The following MACROD2 variants were observed in gnomAD, a reference collection of about 807,000 sequenced individuals.
MACROD2 encodes mono-ADP ribosylhydrolase 2, also known as ADP-ribose glycohydrolase MACROD2.
A neutral mutation model predicts 70.4 loss-of-function variants in MACROD2; 36 were observed. The ratio of observed to expected loss-of-function variants is 0.51; its 90% CI spans 0.39 to 0.68. The LOEUF (loss-of-function observed/expected upper bound fraction) is 0.68, where lower values mean the gene tolerates loss of function less well. MACROD2 is among the 30% of genes least tolerant of loss of function. MACROD2 has a pLI of 0.00. For missense variants in MACROD2, 496 were observed against 538.4 expected (o/e 0.92, Z 0.78); for synonymous variants, 172 against 178.8 (o/e 0.96, Z 0.30).
At chr20:15,976,456 G>A (rs2066307465) in intron 13 of MACROD2, among the ~76,000 whole-genome samples, 1 of 152,226 alleles carries the variant, frequency 6.6e-6, no homozygotes, top group Non-Finnish European at 1.5e-5. Context: ...GCAGAGGACA[G>A]TGGGGAGAAT....
At chr20:14,176,384 G>A (rs770077926) in intron 3 of MACROD2, among the ~76,000 whole-genome samples, 3 of 152,190 alleles carry the variant, frequency 2.0e-5, no homozygotes, top group Non-Finnish European at 2.9e-5. Context: ...TGCAGTTAAG[G>A]TGGTGACCTC....
Position 14,932,003 on chromosome 20 carries a change from TAAA to T in MACROD2, c.418+247064_418+247066del, listed in dbSNP as rs11483683. ...AGCAACAGAGTGAGACCCTGTTTCTTAAAAAAAAAAAAAAAAAAAAAATCCACC... is the reference window on the plus strand; with the variant it reads ...AGCAACAGAGTGAGACCCTGTTTCTTAAAAAAAAAAAAAAAAAAATCCACC... On this transcript the variant is annotated intron_variant, in intron 5 of 17. Transcript: ENST00000684519. 3.2e-3 allele frequency among the ~76,000 whole-genome samples: 436 copies of T among 135,964 alleles called. 3 individuals carry two copies. The highest frequency in any genetic ancestry group is 0.011 in the African/African-American group (415 of 36,132). The allele number at this position is 135,964 out of a possible 152,430, so 89.2% of individuals were successfully genotyped here. A position where few individuals can be genotyped will look rare whatever the true frequency, so the allele number is the denominator to read the frequency against.
intron 5 of MACROD2, among the ~76,000 whole-genome samples, chr20:15,033,766 G>A (rs528362065): frequency 6.6e-6 from 1 of 150,900 alleles, no homozygotes; most frequent in Non-Finnish European, 1.5e-5. Context: ...GTCCATGTTA[G>A]AAAGAGAAAA....
chr20:14,896,720 G>A (rs904119335), intron 5 of MACROD2, among the ~76,000 whole-genome samples: 2 of 152,010 alleles, frequency 1.3e-5, no homozygotes, highest in African/African-American at 2.4e-5. Context: ...ATGGCATTTG[G>A]TGCTTCCTGT....
chr20:15,206,835 C>G (rs1247212041), intron 5 of MACROD2, among the ~76,000 whole-genome samples: 1 of 147,720 alleles, frequency 6.8e-6, no homozygotes, highest in Non-Finnish European at 1.5e-5. Flanking sequence ...CTCCCGGGTT[C>G]ACGCCATTCT....
chr20:14,756,704 A>G (rs934787459), intron 5 of MACROD2, among the ~76,000 whole-genome samples: 14 of 151,688 alleles, frequency 9.2e-5, no homozygotes, highest in African/African-American at 3.4e-4. Context: ...AAAAAAGACA[A>G]TGTTTAAATT....
intron 3 of MACROD2, among the ~76,000 whole-genome samples, chr20:14,216,633 A>G (rs142580064): frequency 1.1e-3 from 169 of 152,280 alleles, no homozygotes; most frequent in Non-Finnish European, 2.1e-3. Context: ...TCACCCATCC[A>G]TGAGCATGGG....
intron 8 of MACROD2, among the ~76,000 whole-genome samples, chr20:15,730,275 T>C (rs2050927937): frequency 6.6e-6 from 1 of 152,216 alleles, no homozygotes; most frequent in African/African-American, 2.4e-5. Context: ...CTTGATTGTA[T>C]GGTTGCTTTA....
At chr20:15,084,890 T>C (rs934331864) in intron 5 of MACROD2, among the ~76,000 whole-genome samples, 3 of 152,154 alleles carry the variant, frequency 2.0e-5, no homozygotes, top group African/African-American at 7.2e-5. Flanking sequence ...AAAATCCTGC[T>C]GGCTTTGGAG....
intron 6 of MACROD2, among the ~76,000 whole-genome samples, chr20:15,231,066 A>C (rs532825682): frequency 6.6e-6 from 1 of 152,048 alleles, no homozygotes; most frequent in African/African-American, 2.4e-5. Context: ...GTAACCCTGG[A>C]TGGTTGTTAT....
chr20:14,075,251 G>C (rs963214506), intron 2 of MACROD2, among the ~76,000 whole-genome samples: 1 of 152,210 alleles, frequency 6.6e-6, no homozygotes, highest in Admixed American at 6.5e-5. Flanking sequence ...ATTTGTGCTA[G>C]CTTTGCTGTC....
chr20:14,156,138 G>T (rs1174382375), intron 3 of MACROD2, among the ~76,000 whole-genome samples: 1 of 152,030 alleles, frequency 6.6e-6, no homozygotes, highest in African/African-American at 2.4e-5. Flanking sequence ...CTCCAGCCTG[G>T]GCGACAAAGT....
At chr20:15,362,683 G>A (rs2078366715) in intron 6 of MACROD2, among the ~76,000 whole-genome samples, 1 of 151,840 alleles carries the variant, frequency 6.6e-6, no homozygotes, top group Non-Finnish European at 1.5e-5. Flanking sequence ...ATTTAATGTA[G>A]TGATCAAATA....
At chr20:14,748,908 C>A (rs2071833774) in intron 5 of MACROD2, among the ~76,000 whole-genome samples, 2 of 152,008 alleles carry the variant, frequency 1.3e-5, no homozygotes, top group African/African-American at 4.8e-5. Context: ...TCCATAGAAC[C>A]CACAGGTGTA....
rs922576569 is a variant in MACROD2 at position 14,900,202 on chromosome 20, TTTGGTTTACTAGGAAA to T, written c.418+215249_418+215264del. ...ATAATTCTTTTTAAAAGCTGCTGGG[TTTGGTTTACTAGGAAA>T]TTGGTGGAAGATCTTTTCACCTATA... On this transcript the variant is annotated intron_variant, in intron 5 of 17. Coordinates refer to ENST00000684519, the MANE Select transcript of MACROD2 (RefSeq NM_001351661.2). Among the ~76,000 whole-genome samples, 12 of 152,218 alleles carry T rather than the reference TTTGGTTTACTAGGAAA, an allele frequency of 7.9e-5. No homozygotes were observed. In the South Asian group the frequency reaches 1.9e-3, roughly 24 times the overall value.
In MACROD2 at chr20:15,964,577, A is replaced by C. The variant is rs183494814; in HGVS notation, c.908-2976A>C. Among the ~76,000 whole-genome samples, 74 of 152,302 alleles carry C rather than the reference A, an allele frequency of 4.9e-4. 2 individuals carry two copies. In the East Asian group the frequency reaches 8.9e-3, roughly 18 times the overall value. Reference sequence around the variant, plus strand: ...ATTTTAGGGGGACACAAATATTCAGACCATGAATATATGCATTTTCTTTCT... The same window carrying C: ...ATTTTAGGGGGACACAAATATTCAGCCCATGAATATATGCATTTTCTTTCT... On this transcript the variant is annotated intron_variant, in intron 12 of 17. Coordinates refer to ENST00000684519, the MANE Select transcript of MACROD2 (RefSeq NM_001351661.2).
At chr20:15,056,872 AC>A (rs1277799622) in intron 5 of MACROD2, among the ~76,000 whole-genome samples, 1 of 152,214 alleles carries the variant, frequency 6.6e-6, no homozygotes, top group African/African-American at 2.4e-5. Flanking sequence ...ATCAGGAGAA[AC>A]AGATAGGAGT....
intron 6 of MACROD2, among the ~76,000 whole-genome samples, chr20:15,307,610 A>G (rs2077710529): frequency 6.6e-6 from 1 of 152,184 alleles, no homozygotes. Flanking sequence ...ATTTCACTGT[A>G]TATTAAGAAA....
chr20:15,987,266 G>A (rs2066499259), intron 15 of MACROD2, 108 bp downstream of exon 15: 3 of 884,286 alleles, frequency 3.4e-6, no homozygotes, highest in African/African-American at 1.8e-5. Context: ...TTGTAAAGGG[G>A]GAAAACGAAC....
Sources: gnomAD v4.1 joint callset for allele counts (sites outside exome capture counted in the v4.1 genomes callset) on GRCh38, gnomAD v4.1.1 for gene constraint, MANE v1.5 for transcripts, NCBI Gene and HGNC (gene_info 2026-07-23, HGNC 2026-07-21) for gene names.